FAM13A: variants seen among roughly 807,000 people sequenced by gnomAD.
FAM13A encodes protein FAM13A.
FAM13A carries 76 observed loss-of-function variants against 129.6 expected under a neutral mutation model. That is an observed-to-expected ratio of 0.59 (90% CI 0.49 to 0.71). FAM13A has a LOEUF of 0.71. Ranked by LOEUF, FAM13A falls within the 30% of genes least tolerant of loss-of-function variation. The pLI, the probability that FAM13A is intolerant of heterozygous loss-of-function variation, is 0.00. For missense variants in FAM13A, 1,108 were observed against 1,249.3 expected, an observed-to-expected ratio of 0.89 and a Z score of 1.70; for synonymous variants, 443 against 449.9, an observed-to-expected ratio of 0.98 and a Z score of 0.20.
intron 7 of FAM13A, chr4:88,823,188 C>T: frequency 1.4e-6 from 2 of 1,452,278 alleles, no homozygotes; most frequent in African/African-American, 1.4e-5. Context: ...AGCCTCCAAA[C>T]TTCTTCAGGC....
In FAM13A at chr4:88,749,896, A is replaced by T. The variant is rs1742196569; in HGVS notation, c.1954T>A (p.Ser652Thr). 1.2e-6 allele frequency: 2 copies of T among 1,613,598 alleles called. No homozygotes were observed. Among genetic ancestry groups the T allele is most frequent in the African/African-American group, 1.3e-5 (1 of 74,870 alleles). ...SHSFMRRRSS[S>T]LGSYDDEQED... ...TGCTCATCATCATAGGACCCCAGAG[A>T]GGAGCTTCGCCGCCTGTGAAGAGTA... is the stretch of plus-strand genomic sequence containing the variant. Residue 652 changes from serine to threonine, a missense_variant, in exon 16 of 24, where the codon TCT becomes ACT. Physicochemically the swap from Ser to Thr is moderately conservative, Grantham distance 58. Around this residue, in one of 3 missense-constraint regions of FAM13A, gnomAD observed 529 missense variants for 621.2 expected, o/e 0.85. Transcript: ENST00000264344.
rs1373713172 is a variant in FAM13A at position 88,803,596 on chromosome 4, C to A, written c.1049+1415G>T. Among the ~76,000 whole-genome samples, 3 of 152,256 alleles carry A rather than the reference C, an allele frequency of 2.0e-5. No homozygotes were observed. The East Asian group carries it at 5.8e-4, about 29-fold the overall frequency. ...TATATAATGAATATCAGACTCACTA[C>A]GTGCTCAGCAGCATCCTGATGTGTT... On this transcript the variant is annotated intron_variant, in intron 8 of 23. Coordinates refer to ENST00000264344, the MANE Select transcript of FAM13A (RefSeq NM_014883.4).
At chr4:88,876,226 C>T (rs1742445690) in intron 6 of FAM13A, among the ~76,000 whole-genome samples, 1 of 151,970 alleles carries the variant, frequency 6.6e-6, no homozygotes, top group African/African-American at 2.4e-5. Flanking sequence ...ACAAACATGG[C>T]ACATGTATAC....
At chr4:88,733,391 G>A (rs1365058811) in intron 21 of FAM13A, among the ~76,000 whole-genome samples, 1 of 152,206 alleles carries the variant, frequency 6.6e-6, no homozygotes, top group African/African-American at 2.4e-5. Flanking sequence ...TGTGACTTCA[G>A]ACCTTGAGTC....
intron 7 of FAM13A, among the ~76,000 whole-genome samples, chr4:88,850,232 A>G (rs889684543): frequency 2.6e-5 from 4 of 152,184 alleles, no homozygotes; most frequent in Admixed American, 6.5e-5. Flanking sequence ...CTAGTAGTAA[A>G]TAAAATTCAA....
chr4:88,920,721 GAGA>G (rs1266188728), intron 5 of FAM13A, among the ~76,000 whole-genome samples: 2 of 152,198 alleles, frequency 1.3e-5, no homozygotes, highest in African/African-American at 2.4e-5. Flanking sequence ...GACGAGTTGA[GAGA>G]AGAAGGCTTC....
At chr4:88,748,385 T>C (rs1473450497) in intron 17 of FAM13A, among the ~76,000 whole-genome samples, 2 of 152,244 alleles carry the variant, frequency 1.3e-5, no homozygotes, top group African/African-American at 4.8e-5. Flanking sequence ...GAGAAAGCTT[T>C]AGCCACATCA....
chr4:88,869,668 T>C (rs1210303659), intron 6 of FAM13A, among the ~76,000 whole-genome samples: 1 of 152,260 alleles, frequency 6.6e-6, no homozygotes, highest in Non-Finnish European at 1.5e-5. Flanking sequence ...TTAGTTTATA[T>C]TGCTTGCTAG....
chr4:88,934,251 A>C (rs963093356), intron 5 of FAM13A, among the ~76,000 whole-genome samples: 1 of 152,160 alleles, frequency 6.6e-6, no homozygotes, highest in Non-Finnish European at 1.5e-5. Flanking sequence ...TCACCATCTG[A>C]CATACTACAT....
intron 11 of FAM13A, among the ~76,000 whole-genome samples, chr4:88,772,881 C>T (rs1295374321): frequency 6.6e-6 from 1 of 152,138 alleles, no homozygotes; most frequent in Non-Finnish European, 1.5e-5. Flanking sequence ...AGCCTTCTTT[C>T]CTTACTCAAT....
intron 4 of FAM13A, among the ~76,000 whole-genome samples, chr4:88,976,412 T>A (rs1760907000): frequency 6.6e-6 from 1 of 152,160 alleles, no homozygotes; most frequent in Non-Finnish European, 1.5e-5. Flanking sequence ...GCAGTAGTCC[T>A]CTATGATCTG....
intron 4 of FAM13A, among the ~76,000 whole-genome samples, chr4:88,963,667 T>G (rs943083824): frequency 6.6e-6 from 1 of 152,172 alleles, no homozygotes; most frequent in Non-Finnish European, 1.5e-5. Flanking sequence ...CCTGGAGTAA[T>G]AAGACAAGGG....
intron 5 of FAM13A, chr4:88,936,513 A>T (rs1235092911): frequency 1.3e-5 from 2 of 152,252 alleles, no homozygotes; most frequent in African/African-American, 4.8e-5. Flanking sequence ...AGGGGATGGC[A>T]CTAAGTCATT....
intron 1 of FAM13A, among the ~76,000 whole-genome samples, chr4:89,052,204 A>G (rs1278146405): frequency 6.6e-6 from 1 of 151,486 alleles, no homozygotes; most frequent in African/African-American, 2.4e-5. Flanking sequence ...GTGTGGCACT[A>G]GAGTGTGGGA....
At chr4:88,835,197 G>T (rs1259750010) in intron 7 of FAM13A, among the ~76,000 whole-genome samples, 1 of 152,056 alleles carries the variant, frequency 6.6e-6, no homozygotes, top group Non-Finnish European at 1.5e-5. Context: ...CCCCTATCGT[G>T]CCCTGCTTTC....
intron 1 of FAM13A, among the ~76,000 whole-genome samples, chr4:89,055,115 G>A (rs1772053991): frequency 6.6e-6 from 1 of 152,102 alleles, no homozygotes; most frequent in Non-Finnish European, 1.5e-5. Context: ...ATTGCAGAAA[G>A]GGCAGAGGAA....
chr4:88,985,548 C>T (rs889363946), intron 4 of FAM13A, among the ~76,000 whole-genome samples: 3 of 152,082 alleles, frequency 2.0e-5, no homozygotes, highest in Admixed American at 1.3e-4. Flanking sequence ...AAAATTTTTG[C>T]GAAATCCTCT....
intron 6 of FAM13A, among the ~76,000 whole-genome samples, chr4:88,873,173 C>A (rs1741731332): frequency 6.6e-6 from 1 of 152,046 alleles, no homozygotes; most frequent in Non-Finnish European, 1.5e-5. Flanking sequence ...ACTAAATGCC[C>A]ATAAGAGAAA....
chr4:88,800,625 C>A (rs1219163757), intron 8 of FAM13A, among the ~76,000 whole-genome samples: 1 of 145,008 alleles, frequency 6.9e-6, no homozygotes, highest in Non-Finnish European at 1.5e-5. Flanking sequence ...GTGGAGGTTG[C>A]AGTGAGCCGA....
Sources: gnomAD v4.1 joint callset for allele counts (sites outside exome capture counted in the v4.1 genomes callset) on GRCh38, gnomAD v4.1.1 for gene constraint, gnomAD v4.1.1 regional missense constraint, MANE v1.5 for transcripts, NCBI Gene and HGNC (gene_info 2026-07-23, HGNC 2026-07-21) for gene names.